The following INTS4 variants were observed in gnomAD, a reference collection of about 807,000 sequenced individuals.
The protein encoded by INTS4 is MSTP093.
A neutral mutation model predicts 119.5 loss-of-function variants in INTS4; 70 were observed. That is an observed-to-expected ratio of 0.59 (90% CI 0.48 to 0.71). The LOEUF is 0.71. INTS4 is among the 30% of genes least tolerant of loss of function. The pLI, the probability that INTS4 is intolerant of heterozygous loss-of-function variation, is 0.00. For synonymous variants in INTS4, 316 were observed against 419.6 expected (o/e 0.75, Z 3.02); for missense variants, 867 against 1,173.2 (o/e 0.74, Z 3.81).
At chr11:77,962,731 G>A (rs373549266) in intron 4 of INTS4, among the ~76,000 whole-genome samples, 7 of 150,806 alleles carry the variant, frequency 4.6e-5, no homozygotes, top group Middle Eastern at 3.4e-3. Flanking sequence ...AAAAAATTAC[G>A]TCTCATGAAA....
At chr11:77,886,616 T>C (rs967748481) in intron 21 of INTS4, among the ~76,000 whole-genome samples, 1 of 152,154 alleles carries the variant, frequency 6.6e-6, no homozygotes, top group Non-Finnish European at 1.5e-5. Flanking sequence ...CCACTGTCCC[T>C]ACCTACTATC....
rs2136347498 is a variant in INTS4, at chr11:77,880,002, G to A, written c.2714-875C>T. On this transcript the variant is annotated intron_variant, in intron 22 of 22. Coordinates refer to ENST00000534064, the MANE Select transcript of INTS4 (RefSeq NM_033547.4). ...GATGCACACCTGGGTAAGAATTTGA[G>A]CCCAGTTCATAAACTGAAGCAGTTA... 2.0e-5 allele frequency among the ~76,000 whole-genome samples: 3 copies of A among 152,254 alleles called. No homozygotes were observed. The South Asian group carries it at 6.2e-4, about 32-fold the overall frequency.
intron 7 of INTS4, among the ~76,000 whole-genome samples, chr11:77,956,373 G>A (rs569113002): frequency 5.3e-5 from 8 of 152,014 alleles, no homozygotes; most frequent in East Asian, 1.9e-4. Flanking sequence ...ATCACACCAC[G>A]GCACTCCAGC....
intron 2 of INTS4, among the ~76,000 whole-genome samples, chr11:77,986,558 T>C (rs1856465478): frequency 6.6e-6 from 1 of 152,216 alleles, no homozygotes; most frequent in Non-Finnish European, 1.5e-5. Context: ...TGCGGCACTA[T>C]TCACAAGAGC....
At chr11:77,894,594 G>A (rs1394369199) in intron 18 of INTS4, among the ~76,000 whole-genome samples, 1 of 152,192 alleles carries the variant, frequency 6.6e-6, no homozygotes, top group Non-Finnish European at 1.5e-5. Context: ...GAGTATCACA[G>A]GCTACACTTG....
At chr11:77,921,253 A>T (rs1230416997) in intron 14 of INTS4, 87 bp downstream of exon 14, 1 of 1,377,724 alleles carries the variant, frequency 7.3e-7, no homozygotes, top group African/African-American at 1.5e-5. Context: ...CAACATAACA[A>T]GACCCCCATC....
Position 77,891,247 on chromosome 11 carries a change from AG to A in INTS4, c.2592+71del, listed in dbSNP as rs1046626664. 5 of 1,443,036 alleles carry A rather than the reference AG, an allele frequency of 3.5e-6. No homozygotes were observed. In the African/African-American group the frequency reaches 7.0e-5, roughly 20 times the overall value. 89.4% of individuals were successfully genotyped at this position (1,443,036 alleles called of 1,614,324 possible). ...TTTCTGTCCCTCAAGTAGAGACTAC[AG>A]GGGTGCTAACATTAAATACTTCAAC... On this transcript the variant is annotated intron_variant, in intron 21 of 22. Transcript: ENST00000534064.
chr11:77,920,198 T>C (rs75260731), intron 14 of INTS4, among the ~76,000 whole-genome samples: 3,422 of 48,530 alleles, frequency 0.071, 110 homozygotes, highest in African/African-American at 0.19. Flanking sequence ...TATATATACA[T>C]ATATATACAC....
intron 4 of INTS4, among the ~76,000 whole-genome samples, chr11:77,961,455 C>T (rs555910305): frequency 7.9e-5 from 12 of 152,230 alleles, no homozygotes; most frequent in African/African-American, 2.9e-4. Flanking sequence ...GTTTTATTTG[C>T]TTTCAAATTT....
chr11:77,950,686 C>T (rs183907899), intron 8 of INTS4, among the ~76,000 whole-genome samples: 2,730 of 152,080 alleles, frequency 0.018, 69 homozygotes, highest in African/African-American at 0.061. Flanking sequence ...ATCAAAACAT[C>T]AACTTGTGCC....
At chr11:77,985,464 T>G (rs1856421366) in intron 2 of INTS4, among the ~76,000 whole-genome samples, 1 of 152,154 alleles carries the variant, frequency 6.6e-6, no homozygotes, top group Admixed American at 6.6e-5. Context: ...GGCCAAAATC[T>G]ATTTCTAGGA....
intron 21 of INTS4, among the ~76,000 whole-genome samples, chr11:77,889,442 T>C (rs531352327): frequency 6.6e-6 from 1 of 152,088 alleles, no homozygotes; most frequent in East Asian, 1.9e-4. Flanking sequence ...ATATACCTAA[T>C]GCTAGATGAC....
At chr11:77,953,905 C>G (rs1428249462) in intron 8 of INTS4, among the ~76,000 whole-genome samples, 1 of 151,566 alleles carries the variant, frequency 6.6e-6, no homozygotes, top group East Asian at 1.9e-4. Context: ...CCTCTGCCTC[C>G]CGGGTTCAAG....
At chr11:77,897,919 C>G (rs191724174) in intron 18 of INTS4, among the ~76,000 whole-genome samples, 6 of 152,170 alleles carry the variant, frequency 3.9e-5, no homozygotes, top group African/African-American at 1.4e-4. Context: ...AGGGATCCTC[C>G]CACCTCAGCC....
chr11:77,930,235 T>C (rs1485538322), intron 10 of INTS4, among the ~76,000 whole-genome samples: 1 of 152,220 alleles, frequency 6.6e-6, no homozygotes, highest in Non-Finnish European at 1.5e-5. Context: ...AAGTTGTGGT[T>C]AAAACTCACA....
At chr11:77,960,232 A>G in intron 6 of INTS4, 109 bp downstream of exon 6, 2 of 699,954 alleles carry the variant, frequency 2.9e-6, no homozygotes, top group Non-Finnish European at 5.1e-6. Context: ...CAACGCTGCC[A>G]CTATTAACTA....
intron 10 of INTS4, among the ~76,000 whole-genome samples, chr11:77,934,371 A>C (rs1953739148): frequency 7.0e-6 from 1 of 142,364 alleles, no homozygotes; most frequent in Non-Finnish European, 1.5e-5. Context: ...TCTGAGAAAC[A>C]CCCAAGAATG....
At chr11:77,926,652 A>T (rs892009905) in intron 11 of INTS4, among the ~76,000 whole-genome samples, 11 of 151,962 alleles carry the variant, frequency 7.2e-5, no homozygotes, top group Non-Finnish European at 1.3e-4. Context: ...ACTAAAAAAA[A>T]AAATATATAC....
Position 77,921,446 on chromosome 11 carries a change from T to C in INTS4, c.1658A>G (p.Asn553Ser), listed in dbSNP as rs765482105. 11 of 1,608,972 alleles carry C rather than the reference T, an allele frequency of 6.8e-6. No individual in the cohort carries two copies. Among genetic ancestry groups the C allele is most frequent in the African/African-American group, 2.7e-5 (2 of 74,796 alleles). The change falls in exon 14 of 23, where the codon AAT (asparagine) becomes AGT (serine). Residue 553 changes from asparagine (N) to serine (S), a missense_variant. Transcript: ENST00000534064. ...AYIAVLVLIF[N>S]AAKTCPTMPA... ...CATTGTTGGACAGGTTTTAGCAGCA[T>C]TGAAAATAAGTACCAAAACTGCAAT...
Sources: gnomAD v4.1 joint callset for allele counts (sites outside exome capture counted in the v4.1 genomes callset) on GRCh38, gnomAD v4.1.1 for gene constraint, MANE v1.5 for transcripts, NCBI Gene and HGNC (gene_info 2026-07-23, HGNC 2026-07-21) for gene names.